The following AUH variants were observed in gnomAD, a reference collection of about 807,000 sequenced individuals.
The protein encoded by AUH is methylglutaconyl-CoA hydratase, mitochondrial.
Under a neutral mutation model 42.3 loss-of-function variants are expected in AUH, and 29 were observed. The ratio of observed to expected loss-of-function variants is 0.69; its 90% CI spans 0.51 to 0.93. The LOEUF (loss-of-function observed/expected upper bound fraction) is 0.93. Among genes scored for constraint, AUH ranks in the 40% least tolerant of loss-of-function variants. The probability of loss-of-function intolerance (pLI) is 0.00; values close to 1 mark genes in which losing one functional copy is unlikely to be tolerated. For missense variants in AUH, 452 were observed against 438.1 expected, an observed-to-expected ratio of 1.03 and a Z score of -0.28; for synonymous variants, 174 against 166.4, an observed-to-expected ratio of 1.05 and a Z score of -0.35.
intron 6 of AUH, among the ~76,000 whole-genome samples, chr9:91,234,240 A>G (rs760675547): frequency 3.3e-5 from 5 of 152,136 alleles, no homozygotes; most frequent in Non-Finnish European, 7.4e-5. Flanking sequence ...CTGCCCTGAC[A>G]CAGCTGGACA....
intron 4 of AUH, among the ~76,000 whole-genome samples, chr9:91,313,981 G>A (rs951444165): frequency 2.0e-5 from 3 of 151,690 alleles, no homozygotes; most frequent in African/African-American, 7.3e-5. Context: ...GTGCCACCAC[G>A]CCTGGCTAAT....
At chr9:91,302,196 T>C (rs1045032228) in intron 4 of AUH, among the ~76,000 whole-genome samples, 1 of 93,690 alleles carries the variant, frequency 1.1e-5, no homozygotes, top group African/African-American at 4.4e-5. Context: ...CCGGGTGCAG[T>C]GTGGCTCATG....
intron 6 of AUH, among the ~76,000 whole-genome samples, chr9:91,274,221 A>G (rs1330974036): frequency 1.3e-5 from 2 of 152,262 alleles, no homozygotes; most frequent in Non-Finnish European, 2.9e-5. Context: ...AATACAAAAT[A>G]TAGAGAAAAT....
chr9:91,241,691 A>C (rs1828529693), intron 6 of AUH, among the ~76,000 whole-genome samples: 2 of 152,220 alleles, frequency 1.3e-5, no homozygotes, highest in Non-Finnish European at 2.9e-5. Flanking sequence ...TTACTAGACA[A>C]ATCATGTAAC....
At chr9:91,309,657 C>A (rs1211997337) in intron 4 of AUH, among the ~76,000 whole-genome samples, 1 of 152,098 alleles carries the variant, frequency 6.6e-6, no homozygotes, top group Non-Finnish European at 1.5e-5. Context: ...CTGGGGACTC[C>A]ACAGGGGAGG....
In AUH at chr9:91,307,166, G is replaced by A. The variant is rs112960749; in HGVS notation, c.506-9090C>T. On this transcript the variant is annotated intron_variant, in intron 4 of 9. Transcript: ENST00000375731. The stretch of plus-strand genomic sequence containing the variant: ...GATGGACATATTCATTATCTTGATT[G>A]TGGTGCTGTTTTCACAAGTCAAAAG... Among the ~76,000 whole-genome samples the A allele has an allele frequency of 3.0e-3, 458 of 152,236 alleles. 4 individuals are homozygous for A. Among genetic ancestry groups the A allele is most frequent in the African/African-American group, 0.01 (423 of 41,532 alleles).
At chr9:91,298,158 A>AT in intron 4 of AUH, 82 bp from the exon 5 acceptor site, 2 of 1,124,338 alleles carry the variant, frequency 1.8e-6, no homozygotes, top group Non-Finnish European at 2.7e-6. Flanking sequence ...TTTTCTGTGA[A>AT]TTTATGCTTT....
intron 6 of AUH, among the ~76,000 whole-genome samples, chr9:91,265,032 T>C (rs1358753787): frequency 6.6e-6 from 1 of 152,222 alleles, no homozygotes; most frequent in Admixed American, 6.5e-5. Flanking sequence ...TGAAATCTTT[T>C]ATGATCTTCT....
chr9:91,259,059 C>G (rs1829561897), intron 6 of AUH, among the ~76,000 whole-genome samples: 1 of 152,128 alleles, frequency 6.6e-6, no homozygotes, highest in Non-Finnish European at 1.5e-5. Context: ...TGGAAGTATG[C>G]TCTCTATTTT....
chr9:91,234,142 C>A (rs1476291961), intron 6 of AUH, among the ~76,000 whole-genome samples: 1 of 152,138 alleles, frequency 6.6e-6, no homozygotes, highest in Non-Finnish European at 1.5e-5. Flanking sequence ...CTTTTGGAGA[C>A]CCCTTTGGCC....
intron 6 of AUH, among the ~76,000 whole-genome samples, chr9:91,257,730 A>T (rs989860824): frequency 6.6e-6 from 1 of 152,180 alleles, no homozygotes; most frequent in Admixed American, 6.5e-5. Flanking sequence ...GGTAGTGTTT[A>T]ATCTACCAAC....
intron 6 of AUH, among the ~76,000 whole-genome samples, chr9:91,294,986 GTGGGAGGGATA>G (rs1417433606): frequency 6.6e-6 from 1 of 152,200 alleles, no homozygotes; most frequent in Admixed American, 6.5e-5. Context: ...CCCACATGTT[GTGGGAGGGATA>G]TGGTGAGAGA....
chr9:91,295,508 G>T (rs538430284), intron 6 of AUH, among the ~76,000 whole-genome samples: 1 of 152,302 alleles, frequency 6.6e-6, no homozygotes, highest in Non-Finnish European at 1.5e-5. Flanking sequence ...CTTGTGAAAG[G>T]AAGAGTCAAC....
chr9:91,295,168 C>T (rs148680111), intron 6 of AUH, among the ~76,000 whole-genome samples: 122 of 152,270 alleles, frequency 8.0e-4, no homozygotes, highest in African/African-American at 2.7e-3. Flanking sequence ...TCTTCCTTTG[C>T]CTTCTGTCAT....
intron 1 of AUH, among the ~76,000 whole-genome samples, chr9:91,360,668 C>T (rs1239975412): frequency 6.6e-6 from 1 of 152,198 alleles, no homozygotes; most frequent in East Asian, 1.9e-4. Flanking sequence ...AATGGCGAAA[C>T]CCTGCAGGTA....
chr9:91,243,981 T>C lies in AUH; in HGVS notation c.656-22989A>G, dbSNP rs76545272. Among the ~76,000 whole-genome samples the C allele has an allele frequency of 1.1e-3, 161 of 152,300 alleles. 2 individuals carry two copies. In the East Asian group the frequency reaches 0.03, roughly 28 times the overall value. ...GTGGAATGAGCCATTCTTCTTAGCA[T>C]AGCAAAGAAACTCTAACTTACTGGA... On this transcript the variant is annotated intron_variant, in intron 6 of 9. Transcript: ENST00000375731.
intron 6 of AUH, among the ~76,000 whole-genome samples, chr9:91,252,515 GCAGTGTGAC>G (rs1396980921): frequency 1.3e-5 from 2 of 152,176 alleles, no homozygotes; most frequent in East Asian, 1.9e-4. Context: ...GCTGTCATTG[GCAGTGTGAC>G]CACATCCATC....
At chr9:91,231,106 T>G (rs536721681) in intron 6 of AUH, among the ~76,000 whole-genome samples, 102 of 152,332 alleles carry the variant, frequency 6.7e-4, no homozygotes, top group Middle Eastern at 3.4e-3. Context: ...CTGCTTTGTT[T>G]ACCTAAGCAA....
intron 6 of AUH, among the ~76,000 whole-genome samples, chr9:91,288,070 G>A (rs1047435317): frequency 2.6e-5 from 4 of 151,934 alleles, no homozygotes; most frequent in East Asian, 3.9e-4. Context: ...GAATAAAAAA[G>A]GAATTCACAG....
Sources: gnomAD v4.1 joint callset for allele counts (sites outside exome capture counted in the v4.1 genomes callset) on GRCh38, gnomAD v4.1.1 for gene constraint, MANE v1.5 for transcripts, NCBI Gene and HGNC (gene_info 2026-07-23, HGNC 2026-07-21) for gene names.